ANO6: variants seen among roughly 807,000 people sequenced by gnomAD.
The protein encoded by ANO6 is anoctamin-6.
A neutral mutation model predicts 117.5 loss-of-function variants in ANO6; 106 were observed. The ratio of observed to expected loss-of-function variants is 0.90; its 90% confidence interval spans 0.77 to 1.06. The LOEUF is 1.06. ANO6 is among the 50% of genes least tolerant of loss of function. The pLI, the probability that ANO6 is intolerant of heterozygous loss-of-function variation, is 0.00. For missense variants in ANO6, 955 were observed against 1,121.1 expected, an observed-to-expected ratio of 0.85 and a Z score of 2.12; for synonymous variants, 367 against 385.1, an observed-to-expected ratio of 0.95 and a Z score of 0.55.
At chr12:45,219,132 G>C (rs761157101) in intron 1 of ANO6, among the ~76,000 whole-genome samples, 5 of 152,024 alleles carry the variant, frequency 3.3e-5, no homozygotes, top group Non-Finnish European at 5.9e-5. Context: ...CGAGTTCCTG[G>C]GTATACCATT....
chr12:45,271,736 CA>C (rs1938399931), intron 1 of ANO6, among the ~76,000 whole-genome samples: 1 of 152,182 alleles, frequency 6.6e-6, no homozygotes, highest in African/African-American at 2.4e-5. Flanking sequence ...GCTTAGCCTA[CA>C]AGTGGCCAGG....
At chr12:45,247,478 GT>G (rs1415595543) in intron 1 of ANO6, among the ~76,000 whole-genome samples, 2 of 152,174 alleles carry the variant, frequency 1.3e-5, no homozygotes, top group East Asian at 3.9e-4. Flanking sequence ...CAATCAGATG[GT>G]TATGGCAGGA....
rs1219487747 is a variant in ANO6 at position 45,290,935 on chromosome 12, A to G, written c.71-11079A>G. Reference sequence around the variant, plus strand: ...CAAAATAGTGTGGTCTTGGGTACAGATAGATATATAGACTAATGGAATAGA... The same window carrying G: ...CAAAATAGTGTGGTCTTGGGTACAGGTAGATATATAGACTAATGGAATAGA... On this transcript the variant is annotated intron_variant, in intron 1 of 19. Transcript: ENST00000320560. 2.0e-5 allele frequency among the ~76,000 whole-genome samples: 3 copies of G among 152,190 alleles called. 1 individual carries two copies. In the East Asian group the frequency reaches 5.8e-4, roughly 29 times the overall value.
At chr12:45,291,959 C>A (rs1939115739) in intron 1 of ANO6, among the ~76,000 whole-genome samples, 2 of 152,144 alleles carry the variant, frequency 1.3e-5, no homozygotes, top group African/African-American at 4.8e-5. Flanking sequence ...GTTCCAAATC[C>A]TAGATATACA....
intron 9 of ANO6, among the ~76,000 whole-genome samples, chr12:45,376,157 A>C (rs1382462807): frequency 4.0e-5 from 6 of 150,738 alleles, no homozygotes; most frequent in Non-Finnish European, 8.8e-5. Flanking sequence ...GTGAGATGCC[A>C]TCTCACACCA....
chr12:45,432,660 TAAAATATCTGCA>T (rs959104319), downstream of ANO6, among the ~76,000 whole-genome samples: 1 of 152,246 alleles, frequency 6.6e-6, no homozygotes, highest in Non-Finnish European at 1.5e-5. Context: ...TGAAATGTGT[TAAAATATCTGCA>T]ATAGCACTTA....
At chr12:45,254,381 A>G (rs561844225) in intron 1 of ANO6, among the ~76,000 whole-genome samples, 1 of 152,272 alleles carries the variant, frequency 6.6e-6, no homozygotes, top group East Asian at 1.9e-4. Flanking sequence ...GTGGATCATC[A>G]TTGCCTGGGG....
At chr12:45,262,641 C>T (rs1938078570) in intron 1 of ANO6, among the ~76,000 whole-genome samples, 1 of 152,142 alleles carries the variant, frequency 6.6e-6, no homozygotes, top group Admixed American at 6.5e-5. Context: ...TCAGGGTGGT[C>T]TCAAACTCCC....
At chr12:45,277,620 GCA>G (rs1405062604) in intron 1 of ANO6, among the ~76,000 whole-genome samples, 1 of 152,118 alleles carries the variant, frequency 6.6e-6, no homozygotes, top group East Asian at 1.9e-4. Context: ...AGGGTTAAAG[GCA>G]GGTAATTTTT....
In ANO6 at chr12:45,378,118, G is replaced by GTT. The variant is rs36059278; in HGVS notation, c.1165+20_1165+21dup. 7,378 of 1,466,648 alleles carry GTT rather than the reference G, an allele frequency of 5.0e-3. No individual in the cohort carries two copies. Among genetic ancestry groups the GTT allele is most frequent in the South Asian group, 9.3e-3 (757 of 81,180 alleles). 90.9% of individuals were successfully genotyped at this position (1,466,648 alleles called of 1,614,324 possible). On this transcript the variant is annotated splice_donor_region_variant and intron_variant, in intron 10 of 19. Coordinates refer to ENST00000320560, the MANE Select transcript of ANO6 (RefSeq NM_001025356.3). ...CAGTATTTATGGGAGTATGGGGTAAGTTTTTTTTTTTTTTTTCATGCACTC... is the reference window on the plus strand; with the variant it reads ...CAGTATTTATGGGAGTATGGGGTAAGTTTTTTTTTTTTTTTTTTCATGCACTC...
chr12:45,285,289 A>G (rs1318585347), intron 1 of ANO6, among the ~76,000 whole-genome samples: 1 of 152,232 alleles, frequency 6.6e-6, no homozygotes, highest in Non-Finnish European at 1.5e-5. Flanking sequence ...AGTAGGAAGT[A>G]GTTACCAACT....
At chr12:45,389,410 T>G (rs1231033781) in intron 11 of ANO6, among the ~76,000 whole-genome samples, 1 of 152,174 alleles carries the variant, frequency 6.6e-6, no homozygotes, top group Admixed American at 6.5e-5. Flanking sequence ...ATGAAGTAGT[T>G]TGAGCACTAA....
downstream of ANO6, among the ~76,000 whole-genome samples, chr12:45,435,144 T>C (rs1343200826): frequency 6.6e-6 from 1 of 152,220 alleles, no homozygotes; most frequent in African/African-American, 2.4e-5. Context: ...TCCCTGGATG[T>C]CTCCTCAGAG....
chr12:45,293,797 A>G (rs993403853), intron 1 of ANO6, among the ~76,000 whole-genome samples: 3 of 127,202 alleles, frequency 2.4e-5, no homozygotes, highest in Non-Finnish European at 3.1e-5. Context: ...GTTAGCCAGG[A>G]TGGTCTCGAT....
intron 2 of ANO6, among the ~76,000 whole-genome samples, chr12:45,321,522 TAAG>T (rs766050508): frequency 2.0e-4 from 30 of 152,184 alleles, no homozygotes; most frequent in Non-Finnish European, 3.2e-4. Context: ...CATTGACAAT[TAAG>T]AAGCTGTCAA....
intron 9 of ANO6, among the ~76,000 whole-genome samples, chr12:45,369,705 G>A (rs1203614701): frequency 6.6e-6 from 1 of 151,802 alleles, no homozygotes; most frequent in Non-Finnish European, 1.5e-5. Flanking sequence ...ACATTTATTT[G>A]TGTATTCATT....
At chr12:45,418,020 C>T (rs1369471153) in intron 17 of ANO6, among the ~76,000 whole-genome samples, 1 of 152,130 alleles carries the variant, frequency 6.6e-6, no homozygotes, top group Admixed American at 6.5e-5. Context: ...ACATACCAAC[C>T]ACAGTGTTAG....
At chr12:45,240,006 T>A (rs987701174) in intron 1 of ANO6, among the ~76,000 whole-genome samples, 3 of 152,190 alleles carry the variant, frequency 2.0e-5, no homozygotes, top group African/African-American at 7.2e-5. Context: ...TCTGTTGATT[T>A]GGGATGGAGA....
At position 45,300,782 on chromosome 12, in the gene ANO6, G is replaced by A. The variant is rs568780280; in HGVS notation, c.71-1232G>A. On this transcript the variant is annotated intron_variant, in intron 1 of 19. Coordinates refer to ENST00000320560, the MANE Select transcript of ANO6 (RefSeq NM_001025356.3). ...TTTATTCAGAACATTTTCTTACATA[G>A]CAAAAATTCTATTCAAATTTTTGCA... is the stretch of plus-strand genomic sequence containing the variant. 2.4e-3 allele frequency among the ~76,000 whole-genome samples: 359 copies of A among 152,120 alleles called. 1 individual carries two copies. The highest frequency in any genetic ancestry group is 7.3e-3 in the African/African-American group (304 of 41,488).
Sources: gnomAD v4.1 joint callset for allele counts (sites outside exome capture counted in the v4.1 genomes callset) on GRCh38, gnomAD v4.1.1 for gene constraint, MANE v1.5 for transcripts, NCBI Gene and HGNC (gene_info 2026-07-23, HGNC 2026-07-21) for gene names.